Variants in EYS observed in about 807,000 individuals in gnomAD.
EYS encodes EGF-like photoreceptor maintenance factor.
A neutral mutation model predicts 282.1 loss-of-function variants in EYS; 250 were observed. That is an observed-to-expected ratio of 0.89 (90% CI 0.80 to 0.98). The LOEUF (loss-of-function observed/expected upper bound fraction) is 0.98. Ranked by LOEUF, EYS falls within the 50% of genes least tolerant of loss-of-function variation. EYS has a pLI of 0.00. For missense variants in EYS, 4,016 were observed against 3,709.0 expected, an observed-to-expected ratio of 1.08 and a Z score of -2.15; for synonymous variants, 1,355 against 1,282.9, an observed-to-expected ratio of 1.06 and a Z score of -1.20.
chr6:64,737,412 C>T (rs1452148984), intron 22 of EYS, among the ~76,000 whole-genome samples: 1 of 152,058 alleles, frequency 6.6e-6, no homozygotes, highest in Admixed American at 6.6e-5. Context: ...CACGCTTTAA[C>T]CTGGTAGAGA....
intron 13 of EYS, among the ~76,000 whole-genome samples, chr6:65,046,777 T>C (rs1441938965): frequency 6.6e-6 from 1 of 151,926 alleles, no homozygotes; most frequent in Non-Finnish European, 1.5e-5. Flanking sequence ...GGCTATGTGT[T>C]CCCACCCAAA....
chr6:64,925,842 C>A (rs756040425), intron 15 of EYS, among the ~76,000 whole-genome samples: 16 of 152,134 alleles, frequency 1.1e-4, no homozygotes, highest in Non-Finnish European at 2.4e-4. Context: ...GCCAAGCGAG[C>A]CTGCATGTGG....
At chr6:64,320,089 G>T (rs527760241) in intron 29 of EYS, among the ~76,000 whole-genome samples, 1 of 151,854 alleles carries the variant, frequency 6.6e-6, no homozygotes, top group Admixed American at 6.6e-5. Context: ...CTGTGTTGAA[G>T]GGTTTTTTTG....
At chr6:65,458,130 A>G (rs533012146) in intron 5 of EYS, among the ~76,000 whole-genome samples, 2 of 152,302 alleles carry the variant, frequency 1.3e-5, no homozygotes, top group South Asian at 4.1e-4. Context: ...TCTTTGGAAT[A>G]TAACTAGGTT....
chr6:65,279,068 G>C (rs1768144929), intron 12 of EYS, among the ~76,000 whole-genome samples: 1 of 151,976 alleles, frequency 6.6e-6, no homozygotes, highest in Non-Finnish European at 1.5e-5. Flanking sequence ...GCATCCTGTA[G>C]TCCTAGCTAA....
intron 26 of EYS, among the ~76,000 whole-genome samples, chr6:64,483,944 A>C (rs1776510089): frequency 6.6e-6 from 1 of 151,620 alleles, no homozygotes; most frequent in Non-Finnish European, 1.5e-5. Context: ...CTTTTTACGA[A>C]CTCAGCTAGT....
At chr6:64,198,007 T>A (rs12175236) in intron 31 of EYS, among the ~76,000 whole-genome samples, 40,977 of 148,240 alleles carry the variant, frequency 0.28, 5,679 homozygotes, top group East Asian at 0.49. Flanking sequence ...TTATTTATTT[T>A]TTTGAGACGG....
In EYS at chr6:63,810,314, C is replaced by A. The variant is rs577166379; in HGVS notation, c.7229-3942G>T. 1.9e-4 allele frequency among the ~76,000 whole-genome samples: 27 copies of A among 142,084 alleles called. No homozygotes were observed. In the East Asian group the frequency reaches 3.9e-3, roughly 20 times the overall value. 93.2% of individuals were successfully genotyped at this position (142,084 alleles called of 152,430 possible). On this transcript the variant is annotated intron_variant, in intron 36 of 42. Coordinates refer to ENST00000503581, the MANE Select transcript of EYS (RefSeq NM_001142800.2). ...ACAAAGACAAAAACAACCCCCCCCC[C>A]CAAAAAAACCTGCGGTTAATCTTTT...
intron 35 of EYS, among the ~76,000 whole-genome samples, chr6:63,961,443 A>G (rs965571476): frequency 1.4e-5 from 2 of 146,188 alleles, no homozygotes; most frequent in African/African-American, 5.1e-5. Context: ...CCCTGCCTGC[A>G]AGAGAGAAAC....
At chr6:64,395,800 AAAAC>A (rs1290256276) in intron 28 of EYS, among the ~76,000 whole-genome samples, 2 of 152,022 alleles carry the variant, frequency 1.3e-5, no homozygotes, top group African/African-American at 2.4e-5. Flanking sequence ...AAAAGAAAAA[AAAAC>A]AAAAAAACAA....
chr6:64,544,787 C>T (rs1764799033), intron 26 of EYS, among the ~76,000 whole-genome samples: 1 of 152,168 alleles, frequency 6.6e-6, no homozygotes, highest in South Asian at 2.1e-4. Context: ...TGGACAAATT[C>T]TTCAACACAT....
chr6:64,226,480 T>C (rs1245403068), intron 31 of EYS, among the ~76,000 whole-genome samples: 2 of 152,120 alleles, frequency 1.3e-5, no homozygotes, highest in African/African-American at 4.8e-5. Context: ...GTTAATCTTA[T>C]AATTAATAGT....
At chr6:65,301,669 C>T (rs1768833334) in intron 11 of EYS, among the ~76,000 whole-genome samples, 1 of 152,248 alleles carries the variant, frequency 6.6e-6, no homozygotes, top group African/African-American at 2.4e-5. Context: ...CACCCATTCC[C>T]CACCCTCATT....
chr6:64,269,337 C>T, intron 30 of EYS, among the ~76,000 whole-genome samples: 1 of 151,902 alleles, frequency 6.6e-6, no homozygotes, highest in East Asian at 1.9e-4. Context: ...AGAATAATTT[C>T]ATAGAATGAA....
intron 25 of EYS, among the ~76,000 whole-genome samples, 171 bp from the exon 26 acceptor site, chr6:64,592,160 A>T (rs1364995132): frequency 6.6e-6 from 1 of 152,164 alleles, no homozygotes; most frequent in Non-Finnish European, 1.5e-5. Context: ...GAGTTTAATG[A>T]TTTCACAAAC....
chr6:65,261,893 C>G (rs925031102), intron 12 of EYS, among the ~76,000 whole-genome samples: 1 of 151,964 alleles, frequency 6.6e-6, no homozygotes, highest in African/African-American at 2.4e-5. Context: ...GAAAGCACCA[C>G]GATATTATTT....
chr6:65,097,877 A>C (rs1448645971), intron 12 of EYS, among the ~76,000 whole-genome samples: 2 of 150,824 alleles, frequency 1.3e-5, no homozygotes, highest in African/African-American at 2.4e-5. Flanking sequence ...TCATTGGGTA[A>C]AAATTTCCGT....
At chr6:63,934,152 C>G (rs899530866) in intron 35 of EYS, among the ~76,000 whole-genome samples, 1 of 152,140 alleles carries the variant, frequency 6.6e-6, no homozygotes, top group African/African-American at 2.4e-5. Flanking sequence ...TGAAAAAATG[C>G]TCATCATCAC....
chr6:63,914,957 A>G (rs1764382612), intron 35 of EYS, among the ~76,000 whole-genome samples: 1 of 152,236 alleles, frequency 6.6e-6, no homozygotes, highest in Non-Finnish European at 1.5e-5. Flanking sequence ...ATAACGTTAA[A>G]GTGTAAGGTG....
Sources: allele counts gnomAD v4.1 joint callset (sites outside exome capture counted in the v4.1 genomes callset), GRCh38; gene constraint gnomAD v4.1.1; transcripts MANE v1.5; gene names NCBI Gene and HGNC (gene_info 2026-07-23, HGNC 2026-07-21).